Variants in KDM4C observed in about 807,000 individuals in gnomAD.
The protein encoded by KDM4C is lysine-specific demethylase 4C.
KDM4C carries 81 observed loss-of-function variants against 129.3 expected under a neutral mutation model. The ratio of observed to expected loss-of-function variants is 0.63; its 90% confidence interval spans 0.52 to 0.75. The LOEUF (loss-of-function observed/expected upper bound fraction) is 0.75, where lower values mean the gene tolerates loss of function less well. Among genes scored for constraint, KDM4C ranks in the 30% least tolerant of loss-of-function variants. The pLI, the probability that KDM4C is intolerant of heterozygous loss-of-function variation, is 0.00. For missense variants in KDM4C, 1,457 were observed against 1,304.0 expected (o/e 1.12, Z -1.81); for synonymous variants, 573 against 456.1 (o/e 1.26, Z -3.26).
chr9:6,957,740 AG>A (rs956061401), intron 8 of KDM4C, among the ~76,000 whole-genome samples: 12 of 151,976 alleles, frequency 7.9e-5, no homozygotes, highest in Admixed American at 1.3e-4. Flanking sequence ...GGTGGTGGGG[AG>A]GGGGTGAAAA....
At chr9:6,914,928 T>TCTA (rs1820030867) in intron 8 of KDM4C, among the ~76,000 whole-genome samples, 2 of 152,258 alleles carry the variant, frequency 1.3e-5, no homozygotes, top group African/African-American at 4.8e-5. Context: ...TGTAATTTGC[T>TCTA]TTGTTAAAGC....
At chr9:7,131,554 C>G (rs1840644235) in intron 19 of KDM4C, among the ~76,000 whole-genome samples, 1 of 152,062 alleles carries the variant, frequency 6.6e-6, no homozygotes. Flanking sequence ...CCGGGCTCAA[C>G]TTAATCTTCT....
At chr9:7,045,786 T>C (rs1392579695) in intron 15 of KDM4C, among the ~76,000 whole-genome samples, 1 of 152,082 alleles carries the variant, frequency 6.6e-6, no homozygotes, top group African/African-American at 2.4e-5. Context: ...TATTACTGCC[T>C]AACAAAAGTT....
intron 18 of KDM4C, among the ~76,000 whole-genome samples, chr9:7,116,045 G>A (rs1050692635): frequency 6.6e-6 from 1 of 152,156 alleles, no homozygotes; most frequent in Admixed American, 6.5e-5. Flanking sequence ...CTGAAGAAAC[G>A]TAAGAAATTC....
chr9:6,801,478 C>T (rs1409928459), intron 2 of KDM4C, among the ~76,000 whole-genome samples: 1 of 151,294 alleles, frequency 6.6e-6, no homozygotes, highest in Non-Finnish European at 1.5e-5. Context: ...ACATCGTGAT[C>T]CACCCGCCTT....
intron 8 of KDM4C, among the ~76,000 whole-genome samples, chr9:6,901,364 C>G (rs1469670987): frequency 6.6e-6 from 1 of 152,194 alleles, no homozygotes; most frequent in Non-Finnish European, 1.5e-5. Flanking sequence ...CTCAAAAGGG[C>G]TCTTACCTCA....
At chr9:7,007,340 C>G (rs770859034) in intron 12 of KDM4C, among the ~76,000 whole-genome samples, 1 of 152,148 alleles carries the variant, frequency 6.6e-6, no homozygotes, top group Non-Finnish European at 1.5e-5. Flanking sequence ...GGGTTTCCAC[C>G]ATGAAGTAAG....
At chr9:7,107,484 T>C (rs1837825131) in intron 18 of KDM4C, among the ~76,000 whole-genome samples, 1 of 152,220 alleles carries the variant, frequency 6.6e-6, no homozygotes, top group Admixed American at 6.5e-5. Context: ...ATGCAATGTT[T>C]TTTCCTGGCA....
At chr9:6,864,375 G>A (rs1841537177) in intron 5 of KDM4C, among the ~76,000 whole-genome samples, 1 of 152,222 alleles carries the variant, frequency 6.6e-6, no homozygotes, top group Non-Finnish European at 1.5e-5. Context: ...TGCCAGGCCA[G>A]TTAGATAGAG....
intron 21 of KDM4C, 152 bp downstream of exon 21, chr9:7,170,042 T>C (rs1172981991): frequency 5.3e-6 from 8 of 1,523,782 alleles, no homozygotes; most frequent in Non-Finnish European, 7.1e-6. Flanking sequence ...ACCTATTGAA[T>C]GCAAACTTCA....
intron 3 of KDM4C, among the ~76,000 whole-genome samples, chr9:6,809,001 G>T (rs1290032003): frequency 6.6e-6 from 1 of 151,870 alleles, no homozygotes; most frequent in Non-Finnish European, 1.5e-5. Flanking sequence ...CCCTGGATGG[G>T]TGTGAATGAG....
At chr9:6,793,202 G>A (rs534026022) in intron 2 of KDM4C, 70 bp downstream of exon 2, 2 of 1,514,678 alleles carry the variant, frequency 1.3e-6, no homozygotes, top group Middle Eastern at 1.8e-4. Context: ...TAGTTTTCAC[G>A]ATTTGGGACA....
At chr9:6,872,225 T>C (rs1048011855) in intron 5 of KDM4C, among the ~76,000 whole-genome samples, 10 of 152,206 alleles carry the variant, frequency 6.6e-5, no homozygotes, top group African/African-American at 2.2e-4. Flanking sequence ...GACAATAGTC[T>C]AGCTGAAGGC....
chr9:7,069,967 T>C (rs1587429939), intron 17 of KDM4C, among the ~76,000 whole-genome samples: 1 of 152,310 alleles, frequency 6.6e-6, no homozygotes, highest in East Asian at 1.9e-4. Context: ...CTAAGAATAT[T>C]TTTAAAAGAG....
At chr9:7,147,466 C>G (rs1426073018) in intron 19 of KDM4C, among the ~76,000 whole-genome samples, 1 of 152,200 alleles carries the variant, frequency 6.6e-6, no homozygotes, top group Non-Finnish European at 1.5e-5. Context: ...AAATTCACCC[C>G]AAGCCTGTCT....
At chr9:7,104,044 C>T in intron 18 of KDM4C, 174 bp downstream of exon 18, 1 of 610,060 alleles carries the variant, frequency 1.6e-6, no homozygotes, top group Non-Finnish European at 2.9e-6. Flanking sequence ...TGGTATTTGC[C>T]TAGGACCTGT....
At chr9:6,854,540 A>C (rs902877351) in intron 5 of KDM4C, among the ~76,000 whole-genome samples, 6 of 145,538 alleles carry the variant, frequency 4.1e-5, no homozygotes, top group Admixed American at 6.7e-5. Context: ...AAAAAAAAAA[A>C]AAAAACAAAA....
intron 4 of KDM4C, among the ~76,000 whole-genome samples, chr9:6,836,088 C>T (rs536265622): frequency 8.5e-5 from 13 of 152,212 alleles, no homozygotes; most frequent in African/African-American, 2.9e-4. Context: ...TTTGGTCTCC[C>T]TGGGAGTGGG....
chr9:7,021,170 G>A (rs1258682739), intron 15 of KDM4C, among the ~76,000 whole-genome samples: 1 of 135,086 alleles, frequency 7.4e-6, no homozygotes, highest in Non-Finnish European at 1.6e-5. Context: ...TTTTTTTTTT[G>A]AGATGGGGTC....
Sources: gnomAD v4.1 joint callset for allele counts (sites outside exome capture counted in the v4.1 genomes callset) on GRCh38, gnomAD v4.1.1 for gene constraint, MANE v1.5 for transcripts, NCBI Gene and HGNC (gene_info 2026-07-23, HGNC 2026-07-21) for gene names.